Variants in TRAPPC9 observed in about 807,000 individuals in gnomAD.
The protein encoded by TRAPPC9 is trafficking protein particle complex subunit 9.
TRAPPC9 carries 83 observed loss-of-function variants against 124.0 expected under a neutral mutation model. The ratio of observed to expected loss-of-function variants is 0.67; its 90% CI spans 0.56 to 0.80. The LOEUF (loss-of-function observed/expected upper bound fraction) is 0.80. Among genes scored for constraint, TRAPPC9 ranks in the 30% least tolerant of loss-of-function variants. TRAPPC9 has a pLI of 0.00. For missense variants in TRAPPC9, 1,302 were observed against 1,508.3 expected, an observed-to-expected ratio of 0.86 and a Z score of 2.27; for synonymous variants, 638 against 617.5, an observed-to-expected ratio of 1.03 and a Z score of -0.49.
At chr8:139,878,519 G>A (rs1829476594) in intron 21 of TRAPPC9, among the ~76,000 whole-genome samples, 1 of 152,142 alleles carries the variant, frequency 6.6e-6, no homozygotes, top group African/African-American at 2.4e-5. Context: ...CCTCCCAGCT[G>A]TGCAGTGCTG....
At chr8:139,797,474 G>A (rs1312940012) in intron 21 of TRAPPC9, among the ~76,000 whole-genome samples, 2 of 152,106 alleles carry the variant, frequency 1.3e-5, no homozygotes, top group Non-Finnish European at 2.9e-5. Flanking sequence ...TGGCCAGGCT[G>A]ATCTCAAACT....
intron 17 of TRAPPC9, among the ~76,000 whole-genome samples, chr8:140,156,290 C>T (rs2061629286): frequency 6.6e-6 from 1 of 152,208 alleles, no homozygotes; most frequent in African/African-American, 2.4e-5. Flanking sequence ...TCAATGCAAC[C>T]TGGACATTCA....
At chr8:139,913,220 GC>G (rs1200750443) in intron 19 of TRAPPC9, among the ~76,000 whole-genome samples, 8 of 152,214 alleles carry the variant, frequency 5.3e-5, no homozygotes, top group Non-Finnish European at 1.2e-4. Context: ...AGCTAACTCT[GC>G]CCATAAAACA....
At chr8:140,038,128 T>C (rs934022386) in intron 17 of TRAPPC9, among the ~76,000 whole-genome samples, 1 of 151,396 alleles carries the variant, frequency 6.6e-6, no homozygotes, top group African/African-American at 2.4e-5. Flanking sequence ...CCTCCATGTC[T>C]CCATCCCACC....
In TRAPPC9 at chr8:140,432,616, T is replaced by C. The variant is rs187094269; in HGVS notation, c.859+2496A>G. Among the ~76,000 whole-genome samples, 248 of 152,356 alleles carry C rather than the reference T, an allele frequency of 1.6e-3. 1 individual carries two copies. Among genetic ancestry groups the C allele is most frequent in the African/African-American group, 5.8e-3 (242 of 41,590 alleles). ...GGCCGGGCACAGTGGCTCACGCCTGTAATCCCAGCACTTTGGGAGGCCGAG... is the reference window on the plus strand; with the variant it reads ...GGCCGGGCACAGTGGCTCACGCCTGCAATCCCAGCACTTTGGGAGGCCGAG... On this transcript the variant is annotated intron_variant, in intron 4 of 22. Transcript: ENST00000438773.
intron 18 of TRAPPC9, among the ~76,000 whole-genome samples, chr8:139,992,551 T>G (rs1243954388): frequency 6.6e-6 from 1 of 151,748 alleles, no homozygotes; most frequent in African/African-American, 2.4e-5. Context: ...AATTATCTCT[T>G]TCCAAATTTC....
intron 20 of TRAPPC9, among the ~76,000 whole-genome samples, chr8:139,895,996 G>A (rs1486439445): frequency 6.6e-6 from 1 of 152,224 alleles, no homozygotes; most frequent in Non-Finnish European, 1.5e-5. Flanking sequence ...TAATTACCAA[G>A]TTGCCAAATG....
intron 16 of TRAPPC9, among the ~76,000 whole-genome samples, chr8:140,248,416 A>G (rs907834950): frequency 3.3e-5 from 5 of 152,240 alleles, no homozygotes; most frequent in African/African-American, 4.8e-5. Context: ...GAGCTGCCCA[A>G]TGAGTACCTG....
chr8:140,091,282 T>C (rs1844552167), intron 17 of TRAPPC9, among the ~76,000 whole-genome samples: 1 of 152,194 alleles, frequency 6.6e-6, no homozygotes, highest in Non-Finnish European at 1.5e-5. Context: ...CATACCATGA[T>C]GGCCTCAGCA....
chr8:140,442,516 T>C (rs1042838963), intron 2 of TRAPPC9, among the ~76,000 whole-genome samples: 1 of 150,098 alleles, frequency 6.7e-6, no homozygotes, highest in Non-Finnish European at 1.5e-5. Flanking sequence ...GAGAATGGTG[T>C]GAACCTGGGA....
intron 17 of TRAPPC9, among the ~76,000 whole-genome samples, chr8:140,091,708 A>G (rs1415598573): frequency 6.6e-6 from 1 of 152,190 alleles, no homozygotes; most frequent in Non-Finnish European, 1.5e-5. Context: ...CAGGGGCAAG[A>G]GGGGCCTCTG....
chr8:140,110,205 AC>A (rs1220578251), intron 17 of TRAPPC9, among the ~76,000 whole-genome samples: 1 of 78,426 alleles, frequency 1.3e-5, no homozygotes, highest in Non-Finnish European at 2.6e-5. Context: ...TCCCCCATGC[AC>A]CCCCTGTGGT....
At chr8:140,014,939 A>G (rs1313774074) in intron 18 of TRAPPC9, among the ~76,000 whole-genome samples, 1 of 152,252 alleles carries the variant, frequency 6.6e-6, no homozygotes, top group African/African-American at 2.4e-5. Context: ...GCTCTCATAT[A>G]GAAAACCATC....
intron 17 of TRAPPC9, among the ~76,000 whole-genome samples, chr8:140,124,982 A>T (rs2061057915): frequency 6.6e-6 from 1 of 152,268 alleles, no homozygotes; most frequent in African/African-American, 2.4e-5. Context: ...AGTTCTTGAT[A>T]AAAATTGCAG....
intron 19 of TRAPPC9, among the ~76,000 whole-genome samples, chr8:139,965,791 G>C (rs1486044070): frequency 1.7e-5 from 1 of 58,952 alleles, no homozygotes; most frequent in East Asian, 4.1e-4. Flanking sequence ...ATGTTGAGCA[G>C]AGTTGGCTAC....
At chr8:140,124,694 A>G (rs11992822) in intron 17 of TRAPPC9, among the ~76,000 whole-genome samples, 1 of 94,774 alleles carries the variant, frequency 1.1e-5, no homozygotes, top group African/African-American at 4.3e-5. Context: ...TCAGAGGGGA[A>G]GACCCTCGCG....
intron 17 of TRAPPC9, among the ~76,000 whole-genome samples, chr8:140,030,697 A>T (rs1013587098): frequency 5.3e-5 from 8 of 152,236 alleles, no homozygotes; most frequent in Non-Finnish European, 2.9e-5. Flanking sequence ...CAAATTACTG[A>T]TACATACACA....
At chr8:139,851,434 G>A (rs771138114) in intron 21 of TRAPPC9, among the ~76,000 whole-genome samples, 7 of 152,176 alleles carry the variant, frequency 4.6e-5, no homozygotes, top group East Asian at 1.9e-4. Context: ...AGCTGTATGC[G>A]AGTGACAACA....
rs568421292 is a variant in TRAPPC9, at chr8:140,272,374, G to A, written c.2278+3284C>T. ...TGGAGAGAGTGGTGGTAGTGAGGGT[G>A]GTGGTGATGATGGTGATGGTGGCGA... On this transcript the variant is annotated intron_variant, in intron 15 of 22. Coordinates refer to ENST00000438773, the MANE Select transcript of TRAPPC9 (RefSeq NM_001160372.4). 3.8e-3 allele frequency among the ~76,000 whole-genome samples: 550 copies of A among 143,614 alleles called. 3 individuals are homozygous for A. The highest frequency in any genetic ancestry group is 0.014 in the African/African-American group (491 of 34,630). 94.2% of individuals were successfully genotyped at this position (143,614 alleles called of 152,430 possible). A position where few individuals can be genotyped will look rare whatever the true frequency, so the allele number is the denominator to read the frequency against.
Sources: allele counts gnomAD v4.1 joint callset (sites outside exome capture counted in the v4.1 genomes callset), GRCh38; gene constraint gnomAD v4.1.1; transcripts MANE v1.5; gene names NCBI Gene and HGNC (gene_info 2026-07-23, HGNC 2026-07-21).